ITGBL1: variants seen among roughly 807,000 people sequenced by gnomAD.
ITGBL1 encodes integrin beta-like protein 1.
In ITGBL1, 51 loss-of-function variants were observed where a neutral mutation model predicts 68.5. The ratio of observed to expected loss-of-function variants is 0.74; its 90% confidence interval spans 0.59 to 0.94. The LOEUF is 0.94. Among genes scored for constraint, ITGBL1 ranks in the 40% least tolerant of loss-of-function variants. ITGBL1 has a pLI of 0.00. For synonymous variants in ITGBL1, 209 were observed against 227.3 expected (o/e 0.92, Z 0.72); for missense variants, 649 against 647.4 (o/e 1.00, Z -0.03).
intron 2 of ITGBL1, among the ~76,000 whole-genome samples, chr13:101,458,050 T>A (rs376484763): frequency 6.6e-6 from 1 of 152,230 alleles, no homozygotes; most frequent in East Asian, 1.9e-4. Context: ...GCAACACTTA[T>A]GAAGCACTGC....
intron 6 of ITGBL1, among the ~76,000 whole-genome samples, chr13:101,595,980 A>G (rs571150529): frequency 1.3e-5 from 2 of 152,306 alleles, no homozygotes; most frequent in South Asian, 4.1e-4. Context: ...AATGTGAGAT[A>G]TATATCTATA....
intron 2 of ITGBL1, among the ~76,000 whole-genome samples, chr13:101,545,148 C>G (rs1322169793): frequency 6.6e-6 from 1 of 152,232 alleles, no homozygotes; most frequent in Non-Finnish European, 1.5e-5. Flanking sequence ...GTCGCTCACA[C>G]TGGGAGCTGT....
chr13:101,679,897 C>G (rs538983419), intron 7 of ITGBL1, among the ~76,000 whole-genome samples: 63 of 152,276 alleles, frequency 4.1e-4, no homozygotes, highest in African/African-American at 1.4e-3. Flanking sequence ...TATATTAGTA[C>G]AGAATTTGCT....
intron 2 of ITGBL1, among the ~76,000 whole-genome samples, chr13:101,464,162 G>A (rs1228682369): frequency 6.6e-6 from 1 of 152,094 alleles, no homozygotes; most frequent in Non-Finnish European, 1.5e-5. Context: ...GCCTCCCAAA[G>A]TGCTGGGATT....
At chr13:101,570,057 A>C (rs186842754) in intron 3 of ITGBL1, among the ~76,000 whole-genome samples, 1 of 152,136 alleles carries the variant, frequency 6.6e-6, no homozygotes, top group Non-Finnish European at 1.5e-5. Context: ...GAACTGTAAC[A>C]TTCTCTCTGA....
chr13:101,528,334 G>C (rs1454094165), intron 2 of ITGBL1, among the ~76,000 whole-genome samples: 1 of 151,422 alleles, frequency 6.6e-6, no homozygotes, highest in Non-Finnish European at 1.5e-5. Flanking sequence ...CTCTAATTTA[G>C]AATATTGTAA....
At chr13:101,681,951 AC>A (rs1185411911) in intron 7 of ITGBL1, among the ~76,000 whole-genome samples, 1 of 152,144 alleles carries the variant, frequency 6.6e-6, no homozygotes, top group African/African-American at 2.4e-5. Flanking sequence ...CAAATGTCAA[AC>A]TTCACAATTT....
At chr13:101,485,265 C>T (rs2048684677) in intron 2 of ITGBL1, among the ~76,000 whole-genome samples, 3 of 152,102 alleles carry the variant, frequency 2.0e-5, no homozygotes. Context: ...TGAATCTACA[C>T]TAAGTCATGA....
At position 101,452,744 on chromosome 13, in the gene ITGBL1, T is replaced by C. The variant is rs1249082652; in HGVS notation, c.-90T>C. On this transcript the variant is annotated 5_prime_UTR_variant, in exon 1 of 11. Transcript: ENST00000376180. ...CCGTGGGTCCGTCTGCCCAGCCATCTGCTGGTGGCACCTCTCCCTCCTGCC... is the reference window on the plus strand; with the variant it reads ...CCGTGGGTCCGTCTGCCCAGCCATCCGCTGGTGGCACCTCTCCCTCCTGCC... 10 of 1,013,532 alleles carry C rather than the reference T, an allele frequency of 9.9e-6. No homozygotes were observed. The highest frequency in any genetic ancestry group is 1.6e-5 in the Non-Finnish European group (10 of 639,578). The allele number at this position is 1,013,532 out of a possible 1,614,324, so 62.8% of individuals were successfully genotyped here. A position where few individuals can be genotyped will look rare whatever the true frequency, so the allele number is the denominator to read the frequency against.
At chr13:101,660,619 A>G (rs2033058479) in intron 7 of ITGBL1, among the ~76,000 whole-genome samples, 1 of 152,156 alleles carries the variant, frequency 6.6e-6, no homozygotes, top group African/African-American at 2.4e-5. Context: ...TAGTTTTACA[A>G]GGGCAGTTTA....
At chr13:101,650,220 A>T (rs2032699779) in intron 7 of ITGBL1, among the ~76,000 whole-genome samples, 1 of 152,188 alleles carries the variant, frequency 6.6e-6, no homozygotes, top group South Asian at 2.1e-4. Context: ...ATTTTCTCAG[A>T]TATATACTAA....
In ITGBL1 at chr13:101,579,974, T is replaced by C. The variant is rs372288568; in HGVS notation, c.727+547T>C. On this transcript the variant is annotated intron_variant, in intron 5 of 10. Transcript: ENST00000376180. ...AGCCATAGGAAATGTACACTGACTT[T>C]ACAAAGGAAGTTAACAAATATATTA... is the stretch of plus-strand genomic sequence containing the variant. Among the ~76,000 whole-genome samples, 339 of 152,340 alleles carry C rather than the reference T, an allele frequency of 2.2e-3. 1 individual carries two copies. Among genetic ancestry groups the C allele is most frequent in the African/African-American group, 7.6e-3 (316 of 41,582 alleles).
At chr13:101,463,838 T>C (rs1214495299) in intron 2 of ITGBL1, among the ~76,000 whole-genome samples, 3 of 151,850 alleles carry the variant, frequency 2.0e-5, no homozygotes, top group Admixed American at 6.6e-5. Flanking sequence ...TGTGGAGACA[T>C]TGGGTTGTGT....
intron 7 of ITGBL1, among the ~76,000 whole-genome samples, chr13:101,666,003 C>T (rs529706517): frequency 6.6e-6 from 1 of 152,258 alleles, no homozygotes; most frequent in South Asian, 2.1e-4. Context: ...ATAACCTCCT[C>T]ATTTTACCTT....
At chr13:101,579,500 T>C (rs2050420234) in intron 5 of ITGBL1, 73 bp downstream of exon 5, 7 of 1,478,686 alleles carry the variant, frequency 4.7e-6, no homozygotes, top group Non-Finnish European at 6.4e-6. Context: ...CTTCTTTTCT[T>C]TGTATTTCCT....
intron 2 of ITGBL1, among the ~76,000 whole-genome samples, chr13:101,562,977 G>T (rs1488108042): frequency 2.0e-5 from 3 of 151,246 alleles, no homozygotes; most frequent in Non-Finnish European, 4.4e-5. Context: ...TACAGAAATA[G>T]ATCTGAAAAA....
At chr13:101,689,199 C>T (rs1304802985) in intron 7 of ITGBL1, among the ~76,000 whole-genome samples, 1 of 44,292 alleles carries the variant, frequency 2.3e-5, no homozygotes, top group Admixed American at 2.8e-4. Flanking sequence ...GGGGACAGAG[C>T]AAGACTCTGC....
chr13:101,566,055 C>T (rs1452340054), intron 2 of ITGBL1, among the ~76,000 whole-genome samples: 1 of 152,058 alleles, frequency 6.6e-6, no homozygotes, highest in Non-Finnish European at 1.5e-5. Flanking sequence ...TTTAAAAAAT[C>T]ACATTGAGTA....
chr13:101,631,456 G>T (rs774513871), intron 7 of ITGBL1, among the ~76,000 whole-genome samples: 1 of 151,926 alleles, frequency 6.6e-6, no homozygotes, highest in Non-Finnish European at 1.5e-5. Flanking sequence ...AGGAGGAAAG[G>T]CATTTAATGA....
Sources: gnomAD v4.1 joint callset for allele counts (sites outside exome capture counted in the v4.1 genomes callset) on GRCh38, gnomAD v4.1.1 for gene constraint, MANE v1.5 for transcripts, NCBI Gene and HGNC (gene_info 2026-07-23, HGNC 2026-07-21) for gene names.